Variants in CFAP52 observed in about 807,000 individuals in gnomAD.
CFAP52 encodes the protein cilia and flagella associated protein 52.
CFAP52 carries 57 observed loss-of-function variants against 70.5 expected under a neutral mutation model. The ratio of observed to expected loss-of-function variants is 0.81; its 90% confidence interval spans 0.65 to 1.01. The LOEUF (loss-of-function observed/expected upper bound fraction) is 1.01, where lower values mean the gene tolerates loss of function less well. Among genes scored for constraint, CFAP52 ranks in the 50% least tolerant of loss-of-function variants. The pLI is 0.00. For synonymous variants in CFAP52, 267 were observed against 292.5 expected, an observed-to-expected ratio of 0.91 and a Z score of 0.89; for missense variants, 785 against 788.5, an observed-to-expected ratio of 1.00 and a Z score of 0.05.
At chr17:9,603,400 G>A (rs1386386824) in intron 6 of CFAP52, among the ~76,000 whole-genome samples, 1 of 151,988 alleles carries the variant, frequency 6.6e-6, no homozygotes, top group East Asian at 1.9e-4. Context: ...TAGTAGAGAC[G>A]GGGTTTCACC....
At chr17:9,603,844 A>C (rs1437612839) in intron 6 of CFAP52, among the ~76,000 whole-genome samples, 2 of 152,122 alleles carry the variant, frequency 1.3e-5, no homozygotes, top group Non-Finnish European at 2.9e-5. Flanking sequence ...ATTTTTAAAA[A>C]AAGAAAGCAC....
At chr17:9,607,562 T>C (rs376092927) in intron 6 of CFAP52, among the ~76,000 whole-genome samples, 6 of 152,234 alleles carry the variant, frequency 3.9e-5, no homozygotes, top group African/African-American at 1.4e-4. Context: ...GTAGTTCAGA[T>C]AATACAGTCG....
At chr17:9,622,500 C>G (rs1910078573) in intron 8 of CFAP52, among the ~76,000 whole-genome samples, 1 of 151,564 alleles carries the variant, frequency 6.6e-6, no homozygotes, top group African/African-American at 2.4e-5. Context: ...ACAATCACAC[C>G]AGTGCATGCC....
At chr17:9,595,052 G>A (rs990617486) in intron 4 of CFAP52, among the ~76,000 whole-genome samples, 3 of 151,956 alleles carry the variant, frequency 2.0e-5, no homozygotes, top group East Asian at 1.9e-4. Context: ...CAACACACCC[G>A]GCTAATTTTT....
Position 9,632,997 on chromosome 17 carries a change from C to T in CFAP52, c.1284C>T (p.Asp428=). 6.2e-7 allele frequency: 1 copy of T among 1,614,162 alleles called. No homozygotes were observed. The highest frequency in any genetic ancestry group is 8.5e-7 in the Non-Finnish European group (1 of 1,180,022). Residue 428 remains aspartate (D), a synonymous_variant, in exon 10 of 14, where the codon GAC becomes GAT. Transcript: ENST00000352665. Reference sequence around the variant, plus strand: ...TCACCGCCATCGCCACCACCAGTGACTGTAAAAGGGTCATCAGTGGCGGTG... The same window carrying T: ...TCACCGCCATCGCCACCACCAGTGATTGTAAAAGGGTCATCAGTGGCGGTG... ...IGVTAIATTS[D]CKRVISGGGE...
chr17:9,628,863 G>C, intron 9 of CFAP52, 43 bp downstream of exon 9: 1 of 1,611,466 alleles, frequency 6.2e-7, no homozygotes, highest in Non-Finnish European at 8.5e-7. Flanking sequence ...CTCTAGCTGC[G>C]GTTTTGATTC....
chr17:9,604,102 T>C (rs1361186141), intron 6 of CFAP52, among the ~76,000 whole-genome samples: 1 of 151,788 alleles, frequency 6.6e-6, no homozygotes, highest in African/African-American at 2.4e-5. Context: ...AACCAAAAAA[T>C]AAAAATAAAA....
intron 1 of CFAP52, among the ~76,000 whole-genome samples, chr17:9,579,787 T>A (rs568653941): frequency 6.6e-6 from 1 of 152,142 alleles, no homozygotes; most frequent in African/African-American, 2.4e-5. Flanking sequence ...AGGCTGGTCT[T>A]GAACTCCTGA....
intron 9 of CFAP52, among the ~76,000 whole-genome samples, chr17:9,631,072 A>AAGAC (rs1910510580): frequency 8.3e-6 from 1 of 120,100 alleles, no homozygotes; most frequent in African/African-American, 3.4e-5. Flanking sequence ...GAAAGAAAGA[A>AAGAC]AGAAAGAAAG....
chr17:9,602,158 G>C (rs1054658047), intron 6 of CFAP52, among the ~76,000 whole-genome samples: 2 of 151,984 alleles, frequency 1.3e-5, no homozygotes, highest in Non-Finnish European at 2.9e-5. Context: ...CATACATGTG[G>C]GATACATGTG....
intron 9 of CFAP52, among the ~76,000 whole-genome samples, chr17:9,631,539 T>C (rs549311286): frequency 2.0e-5 from 3 of 152,050 alleles, no homozygotes; most frequent in Non-Finnish European, 4.4e-5. Flanking sequence ...GAATAGCAAG[T>C]GCAAAGGCCC....
Position 9,635,387 on chromosome 17 carries a change from G to A in CFAP52, c.1321-18G>A, listed in dbSNP as rs1910726940. On this transcript the variant is annotated intron_variant, in intron 10 of 13. Transcript: ENST00000352665. The stretch of plus-strand genomic sequence containing the variant: ...AGTCCCAAGTGTGGATCAAGATCCT[G>A]TGCTCTGTGGCTTTCAGGTGAGGGT... 6.2e-7 allele frequency: 1 copy of A among 1,613,350 alleles called. No individual in the cohort carries two copies. The highest frequency in any genetic ancestry group is 1.1e-5 in the South Asian group (1 of 91,036).
At chr17:9,639,175 A>G in intron 12 of CFAP52, 1 of 154,872 alleles carries the variant, frequency 6.5e-6, no homozygotes, top group Non-Finnish European at 1.4e-5. Flanking sequence ...GATGCCTGTA[A>G]TTCCAGCACT....
At chr17:9,601,799 C>G (rs947826046) in intron 6 of CFAP52, among the ~76,000 whole-genome samples, 23 of 152,188 alleles carry the variant, frequency 1.5e-4, no homozygotes, top group African/African-American at 5.3e-4. Context: ...AGGGCTGTTT[C>G]TACTAAACTT....
chr17:9,622,996 TCTC>T (rs1343860057), intron 8 of CFAP52, among the ~76,000 whole-genome samples: 1 of 152,162 alleles, frequency 6.6e-6, no homozygotes, highest in African/African-American at 2.4e-5. Flanking sequence ...CAGATCTTCT[TCTC>T]CTTATTGATT....
chr17:9,606,241 G>A (rs79523782), intron 6 of CFAP52, among the ~76,000 whole-genome samples: 8 of 151,986 alleles, frequency 5.3e-5, no homozygotes, highest in East Asian at 3.9e-4. Flanking sequence ...AAAATTAGCC[G>A]GCGTGGTGGC....
chr17:9,602,310 T>A (rs1163729899), intron 6 of CFAP52, among the ~76,000 whole-genome samples: 1 of 152,130 alleles, frequency 6.6e-6, no homozygotes, highest in African/African-American at 2.4e-5. Context: ...GTGTGTGATG[T>A]TCCCCTCCCT....
intron 3 of CFAP52, among the ~76,000 whole-genome samples, chr17:9,592,383 C>T (rs911251091): frequency 6.6e-6 from 1 of 151,334 alleles, no homozygotes; most frequent in Non-Finnish European, 1.5e-5. Flanking sequence ...GCAGGAGAAT[C>T]GCTTGAACCC....
At chr17:9,639,108 AGCACTGTAC>A in intron 12 of CFAP52, 3 of 183,282 alleles carry the variant, frequency 1.6e-5, no homozygotes, top group South Asian at 2.6e-4. Flanking sequence ...CTCATCTCTC[AGCACTGTAC>A]TTCATCAATA....
Sources: allele counts gnomAD v4.1 joint callset (sites outside exome capture counted in the v4.1 genomes callset), GRCh38; gene constraint gnomAD v4.1.1; transcripts MANE v1.5; gene names NCBI Gene and HGNC (gene_info 2026-07-23, HGNC 2026-07-21).